BAZ2B: variants seen among roughly 807,000 people sequenced by gnomAD.
BAZ2B encodes the protein bromodomain adjacent to zinc finger domain 2B.
In BAZ2B, 91 loss-of-function variants were observed where a neutral mutation model predicts 246.0. The ratio of observed to expected loss-of-function variants is 0.37; its 90% CI spans 0.31 to 0.44. The LOEUF is 0.44. Among genes scored for constraint, BAZ2B ranks in the 20% least tolerant of loss-of-function variants. The pLI, the probability that BAZ2B is intolerant of heterozygous loss-of-function variation, is 1.00. For synonymous variants in BAZ2B, 855 were observed against 860.0 expected (o/e 0.99, Z 0.10); for missense variants, 2,332 against 2,533.7 (o/e 0.92, Z 1.71).
chr2:159,405,151 T>C (rs375765915), intron 14 of BAZ2B, 37 bp from the exon 15 acceptor site: 1 of 1,550,494 alleles, frequency 6.4e-7, no homozygotes, highest in Admixed American at 1.7e-5. Flanking sequence ...ATTAACAACT[T>C]TGTGTAACTA....
Position 159,382,118 on chromosome 2 carries a change from G to A in BAZ2B, c.4005+441C>T, listed in dbSNP as rs539985850. 2.6e-4 allele frequency among the ~76,000 whole-genome samples: 39 copies of A among 152,172 alleles called. No homozygotes were observed. In the East Asian group the frequency reaches 6.6e-3, roughly 26 times the overall value. ...AGATGGGACTTTCAGTGCCTTATTCGTCTTTGATTAAAAATACCTAGAACT... is the reference window on the plus strand; with the variant it reads ...AGATGGGACTTTCAGTGCCTTATTCATCTTTGATTAAAAATACCTAGAACT... On this transcript the variant is annotated intron_variant, in intron 25 of 36. Coordinates refer to ENST00000392783, the MANE Select transcript of BAZ2B (RefSeq NM_013450.4).
At chr2:159,558,935 T>C (rs778869895) in intron 1 of BAZ2B, among the ~76,000 whole-genome samples, 7 of 152,014 alleles carry the variant, frequency 4.6e-5, no homozygotes, top group Non-Finnish European at 7.4e-5. Context: ...CATACCAAAT[T>C]AGATCAGAAG....
In BAZ2B at chr2:159,556,752, G is replaced by A. The variant is rs184605316; in HGVS notation, c.-45-887C>T. 1.5e-3 allele frequency among the ~76,000 whole-genome samples: 221 copies of A among 152,142 alleles called. 1 individual carries two copies. Among genetic ancestry groups the A allele is most frequent in the Admixed American group, 3.0e-3 (46 of 15,278 alleles). ...GCTGGGATTACAGGCATGAGCCACC[G>A]GACCTAGCCTGGAAATTTCTTTATT... On this transcript the variant is annotated intron_variant, in intron 1 of 36. Transcript: ENST00000392783.
chr2:159,454,392 T>TCATGCAA (rs1228893060), intron 3 of BAZ2B, among the ~76,000 whole-genome samples: 8 of 152,212 alleles, frequency 5.3e-5, no homozygotes, highest in Non-Finnish European at 1.2e-4. Flanking sequence ...TTGTACAGTG[T>TCATGCAA]ACTTACACAA....
chr2:159,707,578 A>T, the BAZ2B span, among the ~76,000 whole-genome samples: 1 of 152,138 alleles, frequency 6.6e-6, no homozygotes, highest in South Asian at 2.1e-4. Flanking sequence ...CTGTAATCCC[A>T]GCACTTTGGG....
intron 1 of BAZ2B, among the ~76,000 whole-genome samples, chr2:159,593,040 AAACTCAT>A (rs1689765139): frequency 6.6e-6 from 1 of 152,232 alleles, no homozygotes; most frequent in South Asian, 2.1e-4. Flanking sequence ...AGTTTGGCCA[AAACTCAT>A]GCCAAATGGG....
intron 2 of BAZ2B, among the ~76,000 whole-genome samples, chr2:159,490,186 T>C (rs918538656): frequency 6.6e-5 from 10 of 152,222 alleles, no homozygotes; most frequent in African/African-American, 2.4e-4. Context: ...AATTTACTTA[T>C]AATTAATAAT....
At position 159,405,100 on chromosome 2, in the gene BAZ2B, C is replaced by T; in HGVS notation, c.2692G>A (p.Ala898Thr). The change falls in exon 15 of 37, where the codon GCA (alanine) becomes ACA (threonine). Residue 898 changes from alanine (A) to threonine (T), a missense_variant. This residue lies in a region of BAZ2B where 651 missense variants were observed against 650.9 expected (regional missense o/e 1.00). Coordinates refer to ENST00000392783, the MANE Select transcript of BAZ2B (RefSeq NM_013450.4). ...TTTCTCAAAAGCTTTATTTGTGCTG[C>T]TTGCCTGGCTATTTCTGAAAAACAC... ...KLQAQEIARQ[A>T]AQIKLLRKLQ... 1.2e-6 allele frequency: 2 copies of T among 1,613,998 alleles called. No homozygotes were observed. The highest frequency in any genetic ancestry group is 1.7e-6 in the Non-Finnish European group (2 of 1,179,962).
intron 13 of BAZ2B, 56 bp downstream of exon 13, chr2:159,427,885 T>C: frequency 7.3e-7 from 1 of 1,370,350 alleles, no homozygotes; most frequent in Non-Finnish European, 1.0e-6. Flanking sequence ...TTTACTTCAT[T>C]TAGGTTATGG....
chr2:159,607,182 G>A (rs573076313), intron 1 of BAZ2B, among the ~76,000 whole-genome samples: 16 of 152,122 alleles, frequency 1.1e-4, no homozygotes, highest in African/African-American at 3.4e-4. Context: ...GGATATGCCC[G>A]TTACTGGCAG....
chr2:159,424,583 G>T (rs1052521130), intron 13 of BAZ2B, among the ~76,000 whole-genome samples: 4 of 152,048 alleles, frequency 2.6e-5, no homozygotes, highest in Non-Finnish European at 5.9e-5. Flanking sequence ...GGGGTTTTGG[G>T]ATATGTTTTA....
chr2:159,397,247 A>C (rs1311148357), intron 19 of BAZ2B, 98 bp downstream of exon 19: 16 of 1,261,184 alleles, frequency 1.3e-5, no homozygotes, highest in Non-Finnish European at 1.6e-5. Flanking sequence ...TTATATCAGA[A>C]ATTTTAAAGA....
chr2:159,560,143 C>T (rs1416994193), intron 1 of BAZ2B, among the ~76,000 whole-genome samples: 1 of 152,194 alleles, frequency 6.6e-6, no homozygotes, highest in African/African-American at 2.4e-5. Flanking sequence ...CTTTCCTTGA[C>T]TATACTACAT....
intron 2 of BAZ2B, among the ~76,000 whole-genome samples, chr2:159,500,546 T>C (rs1289838155): frequency 6.6e-6 from 1 of 152,220 alleles, no homozygotes; most frequent in Non-Finnish European, 1.5e-5. Context: ...AGTTTTTATA[T>C]GGAAGAATGA....
the BAZ2B span, among the ~76,000 whole-genome samples, chr2:159,656,401 G>A: frequency 6.6e-6 from 1 of 152,116 alleles, no homozygotes; most frequent in Non-Finnish European, 1.5e-5. Flanking sequence ...AGTTCTGACA[G>A]ATGTATAATG....
rs573401351 is a variant in BAZ2B, at chr2:159,320,186, G to A, written c.*79C>T. On this transcript the variant is annotated 3_prime_UTR_variant, in exon 37 of 37. Coordinates refer to ENST00000392783, the MANE Select transcript of BAZ2B (RefSeq NM_013450.4). ...AAGTCATTATGTATGTGCCTTGCACGTTTATGTAAATACAGTTCACATTGC... is the reference window on the plus strand; with the variant it reads ...AAGTCATTATGTATGTGCCTTGCACATTTATGTAAATACAGTTCACATTGC... The A allele has an allele frequency of 5.8e-5, 72 of 1,250,758 alleles. No homozygotes were observed. The South Asian group carries it at 5.9e-4, about 10-fold the overall frequency. The allele number at this position is 1,250,758 out of a possible 1,614,324, so 77.5% of individuals were successfully genotyped here.
intron 2 of BAZ2B, among the ~76,000 whole-genome samples, chr2:159,494,657 C>A (rs2080873304): frequency 6.6e-6 from 1 of 152,128 alleles, no homozygotes; most frequent in Non-Finnish European, 1.5e-5. Flanking sequence ...TGGCTGGGCA[C>A]CTGGAATGCC....
intron 1 of BAZ2B, among the ~76,000 whole-genome samples, chr2:159,597,955 G>C (rs1426800105): frequency 6.6e-6 from 1 of 151,258 alleles, no homozygotes; most frequent in Non-Finnish European, 1.5e-5. Context: ...CTATCTTTCA[G>C]ATTTCCCAGA....
At chr2:159,663,872 T>C in the BAZ2B span, among the ~76,000 whole-genome samples, 38 of 143,600 alleles carry the variant, frequency 2.6e-4, no homozygotes, top group South Asian at 6.8e-4. Context: ...TTTTTTTTTT[T>C]TTTTTTTTTT....
Sources: gnomAD v4.1 joint callset for allele counts (sites outside exome capture counted in the v4.1 genomes callset) on GRCh38, gnomAD v4.1.1 for gene constraint, gnomAD v4.1.1 regional missense constraint, MANE v1.5 for transcripts, NCBI Gene and HGNC (gene_info 2026-07-23, HGNC 2026-07-21) for gene names.